TRAPPC11: variants seen among roughly 807,000 people sequenced by gnomAD.
TRAPPC11 encodes the protein trafficking protein particle complex subunit 11.
TRAPPC11 carries 104 observed loss-of-function variants against 151.2 expected under a neutral mutation model. The ratio of observed to expected loss-of-function variants is 0.69; its 90% CI spans 0.59 to 0.81. The LOEUF (loss-of-function observed/expected upper bound fraction) is 0.81. Among genes scored for constraint, TRAPPC11 ranks in the 30% least tolerant of loss-of-function variants. The pLI, the probability that TRAPPC11 is intolerant of heterozygous loss-of-function variation, is 0.00. For missense variants in TRAPPC11, 1,230 were observed against 1,349.6 expected, an observed-to-expected ratio of 0.91 and a Z score of 1.39; for synonymous variants, 456 against 472.3, an observed-to-expected ratio of 0.97 and a Z score of 0.45.
rs1479308989 is a variant in TRAPPC11, at chr4:183,684,121, T to A, written c.1288-24T>A. On this transcript the variant is annotated intron_variant, in intron 12 of 29. Transcript: ENST00000334690. ...AAGAAAAATATTTGTATTGAAATGTTTCACACTCTACTTTTTCTAATAGGA... is the reference window on the plus strand; with the variant it reads ...AAGAAAAATATTTGTATTGAAATGTATCACACTCTACTTTTTCTAATAGGA... 1.9e-6 allele frequency: 3 copies of A among 1,609,166 alleles called. No homozygotes were observed. The African/African-American group carries it at 4.0e-5, about 22-fold the overall frequency.
At chr4:183,697,274 G>C (rs781637953) in intron 23 of TRAPPC11, among the ~76,000 whole-genome samples, 1 of 151,738 alleles carries the variant, frequency 6.6e-6, no homozygotes, top group South Asian at 2.1e-4. Context: ...TGGTGCCACT[G>C]TCCTCCATCC....
Position 183,686,619 on chromosome 4 carries a change from G to T in TRAPPC11, c.1764G>T (p.Val588=). 2 of 1,613,802 alleles carry T rather than the reference G, an allele frequency of 1.2e-6. No homozygotes were observed. The highest frequency in any genetic ancestry group is 1.7e-6 in the Non-Finnish European group (2 of 1,179,896). ...ACAGCCCTTTTGTTTTATTTCTAGTGCAGTGCAAAGCCAAGTTTCATGCCC... is the reference window on the plus strand; with the variant it reads ...ACAGCCCTTTTGTTTTATTTCTAGTTCAGTGCAAAGCCAAGTTTCATGCCC... ...TIGVQDFVPF[V]QCKAKFHAPS... is the part of the protein sequence containing the mutation. The change falls in exon 18 of 30, where the codon GTG becomes GTT. Residue 588 remains valine, a splice_region_variant and synonymous_variant. Transcript: ENST00000334690.
intron 7 of TRAPPC11, 87 bp from the exon 8 acceptor site, chr4:183,677,371 T>C: frequency 1.2e-6 from 1 of 812,976 alleles, no homozygotes; most frequent in Non-Finnish European, 2.1e-6. Context: ...AAATGTTGAG[T>C]AAATATTCTT....
intron 1 of TRAPPC11, among the ~76,000 whole-genome samples, chr4:183,660,834 C>T (rs1310506282): frequency 6.6e-6 from 1 of 152,184 alleles, no homozygotes. Flanking sequence ...CTGCCTCAGC[C>T]TCCCGAGTAG....
intron 19 of TRAPPC11, 114 bp from the exon 20 acceptor site, chr4:183,692,846 G>C: frequency 1.1e-6 from 1 of 873,632 alleles, no homozygotes; most frequent in Non-Finnish European, 1.7e-6. Context: ...GTCACACTGG[G>C]GGTCTCTAGA....
intron 18 of TRAPPC11, among the ~76,000 whole-genome samples, chr4:183,688,365 CAG>C (rs1736092317): frequency 6.6e-6 from 1 of 152,134 alleles, no homozygotes; most frequent in African/African-American, 2.4e-5. Context: ...TGCATGGAAA[CAG>C]AAGCGCACAA....
At position 183,705,620 on chromosome 4, in the gene TRAPPC11, C is replaced by T. The variant is rs139969583; in HGVS notation, c.3055+550C>T. On this transcript the variant is annotated intron_variant, in intron 27 of 29. Transcript: ENST00000334690. ...CCACTTTGTCCATCTCCTCCCTCCC[C>T]GCATCTCTTCCTTGCTGAAGAAACT... Among the ~76,000 whole-genome samples the T allele has an allele frequency of 3.1e-3, 468 of 152,256 alleles. 4 individuals carry two copies. The highest frequency in any genetic ancestry group is 0.011 in the African/African-American group (445 of 41,518).
intron 27 of TRAPPC11, 127 bp downstream of exon 27, chr4:183,705,197 G>A: frequency 1.7e-6 from 1 of 597,996 alleles, no homozygotes; most frequent in East Asian, 2.8e-5. Context: ...GTAGCTTATG[G>A]CCAGTCTTGC....
intron 5 of TRAPPC11, among the ~76,000 whole-genome samples, chr4:183,671,507 C>G (rs1427983606): frequency 6.6e-6 from 1 of 152,164 alleles, no homozygotes; most frequent in Non-Finnish European, 1.5e-5. Context: ...TTATTTGCAG[C>G]CTTTAGCACA....
At chr4:183,665,945 T>TC (rs1294709553) in intron 2 of TRAPPC11, among the ~76,000 whole-genome samples, 1 of 151,274 alleles carries the variant, frequency 6.6e-6, no homozygotes, top group Non-Finnish European at 1.5e-5. Flanking sequence ...TTTTTTTTTT[T>TC]TTCTTTAGCA....
chr4:183,682,048 C>G (rs73872660), intron 10 of TRAPPC11, among the ~76,000 whole-genome samples: 2,058 of 152,154 alleles, frequency 0.014, 43 homozygotes, highest in African/African-American at 0.047. Context: ...ACATTTAATG[C>G]TGGATTAAAT....
Position 183,677,466 on chromosome 4 carries a change from G to A in TRAPPC11, c.743G>A (p.Arg248Lys). ...CCACCCTCCTCATTTAGGAATTATA[G>A]GACCGCCTATAATCTTGTACACGAA... ...QDTQNALKNY[R>K]TAYNLVHELR... The change falls in exon 8 of 30, where the codon AGG becomes AAG. Residue 248 changes from arginine to lysine, a missense_variant. Coordinates refer to ENST00000334690, the MANE Select transcript of TRAPPC11 (RefSeq NM_021942.6). The A allele has an allele frequency of 6.3e-7, 1 of 1,596,072 alleles. No individual in the cohort carries two copies. The highest frequency in any genetic ancestry group is 1.1e-5 in the South Asian group (1 of 89,598).
At chr4:183,673,351 A>G (rs1377407428) in intron 5 of TRAPPC11, among the ~76,000 whole-genome samples, 2 of 152,168 alleles carry the variant, frequency 1.3e-5, no homozygotes, top group Non-Finnish European at 2.9e-5. Flanking sequence ...ATATTTTAAC[A>G]TTTTTAAAAC....
intron 1 of TRAPPC11, among the ~76,000 whole-genome samples, chr4:183,662,883 A>G (rs1734629907): frequency 6.6e-6 from 1 of 152,110 alleles, no homozygotes; most frequent in Admixed American, 6.5e-5. Context: ...ACATTACTGA[A>G]AATGCCGATT....
rs530527426 is a variant in TRAPPC11 at position 183,682,686 on chromosome 4, G to A, written c.1114-46G>A. The A allele has an allele frequency of 3.3e-5, 45 of 1,345,630 alleles. No homozygotes were observed. The African/African-American group carries it at 3.4e-4, about 10-fold the overall frequency. The allele number at this position is 1,345,630 out of a possible 1,614,324, so 83.4% of individuals were successfully genotyped here. A position where few individuals can be genotyped will look rare whatever the true frequency, so the allele number is the denominator to read the frequency against. ...AAAGGTTGGGCAAGAGTTGATTTGC[G>A]ATGAGTTCCATAAACTATTATTTAG... On this transcript the variant is annotated intron_variant, in intron 10 of 29. Transcript: ENST00000334690.
chr4:183,712,329 T>C (rs923965315), intron 29 of TRAPPC11, among the ~76,000 whole-genome samples: 4 of 152,200 alleles, frequency 2.6e-5, no homozygotes, highest in Non-Finnish European at 5.9e-5. Flanking sequence ...AAGAGGATTC[T>C]TCGGGTGGAA....
At chr4:183,681,728 C>A (rs1020394240) in intron 10 of TRAPPC11, among the ~76,000 whole-genome samples, 6 of 150,030 alleles carry the variant, frequency 4.0e-5, no homozygotes, top group Non-Finnish European at 7.4e-5. Context: ...TGCAGCGAGC[C>A]GAGATCGTGC....
Position 183,685,309 on chromosome 4 carries a change from A to G in TRAPPC11, c.1668A>G (p.Leu556=). The G allele has an allele frequency of 1.2e-6, 2 of 1,614,156 alleles. No homozygotes were observed. Among genetic ancestry groups the G allele is most frequent in the Non-Finnish European group, 1.7e-6 (2 of 1,180,000 alleles). The change falls in exon 17 of 30, where the codon TTA becomes TTG. Residue 556 remains leucine, a synonymous_variant. Transcript: ENST00000334690. The part of the protein sequence containing the change: ...SPDPEPDCDI[L]AVKTAQKLWA... ...ATCCAGAACCCGACTGTGATATCTT[A>G]GCTGTGAAAACTGCTCAGAAGCTGT...
rs757739112 is a variant in TRAPPC11, at chr4:183,693,656, A to G, written c.2305A>G (p.Met769Val). Residue 769 changes from methionine to valine, a missense_variant, in exon 21 of 30, where the codon ATG (methionine) becomes GTG (valine). Coordinates refer to ENST00000334690, the MANE Select transcript of TRAPPC11 (RefSeq NM_021942.6). The stretch of plus-strand genomic sequence containing the variant: ...TGAACCCCCTGCACTGACTAATGAA[A>G]TGTATTGTTTGGTTGTGACTGTTCA... ...LHEPPALTNE[M>V]YCLVVTVQSH... The G allele has an allele frequency of 1.2e-6, 2 of 1,614,136 alleles. No individual in the cohort carries two copies. Among genetic ancestry groups the G allele is most frequent in the South Asian group, 2.2e-5 (2 of 91,082 alleles).
Sources: allele counts gnomAD v4.1 joint callset (sites outside exome capture counted in the v4.1 genomes callset), GRCh38; gene constraint gnomAD v4.1.1; transcripts MANE v1.5; gene names NCBI Gene and HGNC (gene_info 2026-07-23, HGNC 2026-07-21).